Variants in ZNF532 observed in about 807,000 individuals in gnomAD.
ZNF532 encodes the protein zinc finger protein 532.
Under a neutral mutation model 89.3 loss-of-function variants are expected in ZNF532, and 22 were observed. The observed-to-expected ratio is 0.25, with a 90% CI of 0.18 to 0.35. The LOEUF is 0.35. ZNF532 is among the 10% of genes least tolerant of loss of function. The pLI, the probability that ZNF532 is intolerant of heterozygous loss-of-function variation, is 1.00. For missense variants in ZNF532, 1,132 were observed against 1,643.4 expected (o/e 0.69, Z 5.38); for synonymous variants, 606 against 649.6 (o/e 0.93, Z 1.02).
Position 58,984,541 on chromosome 18 carries a change from A to G in ZNF532, c.*75A>G, listed in dbSNP as rs1346944743. The G allele has an allele frequency of 1.3e-6, 2 of 1,516,320 alleles. No individual in the cohort carries two copies. Among genetic ancestry groups the G allele is most frequent in the Admixed American group, 2.1e-5 (1 of 46,682 alleles). The allele number at this position is 1,516,320 out of a possible 1,614,324, so 93.9% of individuals were successfully genotyped here. Reference sequence around the variant, plus strand: ...ACATTTTTGTTACAAAGTTTGCAGTATAATAGAGTTAACAGTACTGTCTAG... The same window carrying G: ...ACATTTTTGTTACAAAGTTTGCAGTGTAATAGAGTTAACAGTACTGTCTAG... On this transcript the variant is annotated 3_prime_UTR_variant, in exon 10 of 10. Transcript: ENST00000591808.
chr18:58,934,371 T>A lies in ZNF532; in HGVS notation c.2347-62T>A. On this transcript the variant is annotated intron_variant, in intron 3 of 9. Transcript: ENST00000591808. ...TAATTATCTGGAGGTTTAACCAAGG[T>A]TCTTTGCATATTAGAAAGTACTTAG... 4.8e-6 allele frequency: 7 copies of A among 1,467,700 alleles called. No individual in the cohort carries two copies. The South Asian group carries it at 5.0e-5, about 11-fold the overall frequency. The allele number at this position is 1,467,700 out of a possible 1,614,324, so 90.9% of individuals were successfully genotyped here.
chr18:58,924,431 G>A (rs1039857434), intron 3 of ZNF532, among the ~76,000 whole-genome samples: 3 of 152,212 alleles, frequency 2.0e-5, no homozygotes, highest in African/African-American at 7.2e-5. Flanking sequence ...TGCTGCCACT[G>A]TTCATGGTTC....
chr18:58,907,321 G>A (rs144687846), intron 2 of ZNF532, among the ~76,000 whole-genome samples: 3,136 of 152,224 alleles, frequency 0.021, 43 homozygotes, highest in Non-Finnish European at 0.03. Context: ...GAGTAGCTGG[G>A]ATTACAGACG....
At chr18:58,950,023 T>G (rs747078548) in intron 6 of ZNF532, among the ~76,000 whole-genome samples, 17 of 152,354 alleles carry the variant, frequency 1.1e-4, no homozygotes, top group Admixed American at 4.6e-4. Flanking sequence ...AAATATCTAT[T>G]TAATGAAACA....
rs147502529 is a variant in ZNF532, at chr18:58,920,534, G to A, written c.2247G>A (p.Leu749=). 6.2e-7 allele frequency: 1 copy of A among 1,613,792 alleles called. No individual in the cohort carries two copies. Among genetic ancestry groups the A allele is most frequent in the Non-Finnish European group, 8.5e-7 (1 of 1,179,846 alleles). Residue 749 remains leucine (L), a synonymous_variant, in exon 3 of 10, where the codon CTG becomes CTA. Coordinates refer to ENST00000591808, the MANE Select transcript of ZNF532 (RefSeq NM_001375912.1). ...CCCTAGATGAAGACCCCTCCAAACT[G>A]TGTAGACATAGTCTAAAATGTTTGG... ...AMPLDEDPSK[L]CRHSLKCLEC...
At chr18:58,896,558 T>G (rs569033807) in intron 2 of ZNF532, 74 of 153,374 alleles carry the variant, frequency 4.8e-4, no homozygotes, top group African/African-American at 1.6e-3. Flanking sequence ...GCCATATGCA[T>G]CTGTCCATCT....
chr18:58,934,366 C>A, intron 3 of ZNF532, 67 bp from the exon 4 acceptor site: 1 of 1,436,642 alleles, frequency 7.0e-7, no homozygotes. Context: ...GAGGTTTAAC[C>A]AAGGTTCTTT....
intron 6 of ZNF532, among the ~76,000 whole-genome samples, chr18:58,952,273 G>C (rs1387823592): frequency 1.3e-5 from 2 of 152,202 alleles, no homozygotes; most frequent in Non-Finnish European, 2.9e-5. Flanking sequence ...TCTTTCTGTA[G>C]ATTCAGGAAT....
chr18:58,985,660 C>T lies in ZNF532; in HGVS notation c.*1194C>T, dbSNP rs2068319650. ...ATTAAAATGCAGCAGAGGTACTCTT[C>T]TGTCCCTTCCGTTTATAGTTCTCTG... On this transcript the variant is annotated 3_prime_UTR_variant, in exon 10 of 10. Transcript: ENST00000591808. The T allele has an allele frequency of 6.6e-6, 1 of 152,320 alleles. No individual in the cohort carries two copies. The highest frequency in any genetic ancestry group is 1.5e-5 in the Non-Finnish European group (1 of 68,022). The allele number at this position is 152,320 out of a possible 1,614,324, so 9.4% of individuals were successfully genotyped here. A position where few individuals can be genotyped will look rare whatever the true frequency, so the allele number is the denominator to read the frequency against.
chr18:58,885,833 C>T (rs1355319456), intron 2 of ZNF532, among the ~76,000 whole-genome samples: 1 of 142,712 alleles, frequency 7.0e-6, no homozygotes, highest in Admixed American at 7.1e-5. Context: ...CAGCCTGGGT[C>T]GAGACAATGT....
intron 2 of ZNF532, among the ~76,000 whole-genome samples, chr18:58,886,889 G>C (rs185514050): frequency 5.9e-5 from 9 of 152,296 alleles, no homozygotes; most frequent in Admixed American, 2.6e-4. Context: ...GAATTTATTG[G>C]TTGTGGGTAT....
At chr18:58,900,699 T>G (rs192736807) in intron 2 of ZNF532, among the ~76,000 whole-genome samples, 1 of 152,336 alleles carries the variant, frequency 6.6e-6, no homozygotes, top group East Asian at 1.9e-4. Flanking sequence ...TCACAGCATA[T>G]TGTTTTTGGC....
chr18:58,912,515 G>A (rs2060342931), intron 2 of ZNF532, among the ~76,000 whole-genome samples: 1 of 152,224 alleles, frequency 6.6e-6, no homozygotes, highest in South Asian at 2.1e-4. Context: ...GTGCCCAGCA[G>A]TGCTGACAGG....
chr18:58,913,605 A>T (rs200692916), intron 2 of ZNF532, among the ~76,000 whole-genome samples: 24 of 151,224 alleles, frequency 1.6e-4, no homozygotes, highest in African/African-American at 5.3e-4. Flanking sequence ...GAAAGGAAAA[A>T]ATATATATAT....
chr18:58,918,659 G>A lies in ZNF532; in HGVS notation c.372G>A (p.Ser124=), dbSNP rs774750040. ...VPASEVTLKD[S]TFSQFSPISS... ...CCTCTGAGGTGACACTGAAAGACTC[G>A]ACATTCAGCCAGTTTAGCCCGATCT... Residue 124 remains serine (S), a synonymous_variant, in exon 3 of 10, where the codon TCG becomes TCA. Transcript: ENST00000591808. 3.0e-5 allele frequency: 49 copies of A among 1,614,010 alleles called. No homozygotes were observed. The highest frequency in any genetic ancestry group is 5.3e-5 in the African/African-American group (4 of 74,892).
intron 2 of ZNF532, among the ~76,000 whole-genome samples, chr18:58,901,758 T>C (rs1354877893): frequency 6.6e-6 from 1 of 152,168 alleles, no homozygotes; most frequent in Non-Finnish European, 1.5e-5. Flanking sequence ...TGGCCTCTTA[T>C]CATCCTGGCT....
At chr18:58,929,923 A>C (rs1385512388) in intron 3 of ZNF532, among the ~76,000 whole-genome samples, 1 of 152,234 alleles carries the variant, frequency 6.6e-6, no homozygotes, top group Non-Finnish European at 1.5e-5. Flanking sequence ...GTATAATTAT[A>C]CTTTAGGCAG....
At chr18:58,874,303 G>C (rs1386594093) in intron 2 of ZNF532, among the ~76,000 whole-genome samples, 1 of 151,978 alleles carries the variant, frequency 6.6e-6, no homozygotes, top group Non-Finnish European at 1.5e-5. Flanking sequence ...ATTTGTGGTT[G>C]GAGAATCTTG....
intron 2 of ZNF532, among the ~76,000 whole-genome samples, chr18:58,892,118 A>G (rs1302545485): frequency 6.6e-6 from 1 of 151,882 alleles, no homozygotes; most frequent in Non-Finnish European, 1.5e-5. Flanking sequence ...TAATGTCTCC[A>G]TTTCTCTCAT....
Sources: allele counts gnomAD v4.1 joint callset (sites outside exome capture counted in the v4.1 genomes callset), GRCh38; gene constraint gnomAD v4.1.1; transcripts MANE v1.5; gene names NCBI Gene and HGNC (gene_info 2026-07-23, HGNC 2026-07-21).